The following THRB variants were observed in gnomAD, a reference collection of about 807,000 sequenced individuals.
THRB encodes the protein thyroid hormone receptor beta.
THRB carries 12 observed loss-of-function variants against 47.8 expected under a neutral mutation model. The ratio of observed to expected loss-of-function variants is 0.25; its 90% CI spans 0.16 to 0.41. The LOEUF (loss-of-function observed/expected upper bound fraction) is 0.41, where lower values mean the gene tolerates loss of function less well. THRB is among the 10% of genes least tolerant of loss of function. The pLI is 1.00. For synonymous variants in THRB, 218 were observed against 212.2 expected (o/e 1.03, Z -0.24); for missense variants, 348 against 589.2 (o/e 0.59, Z 4.24).
chr3:24,141,969 T>C (rs796728123), intron 8 of THRB, among the ~76,000 whole-genome samples: 4 of 152,348 alleles, frequency 2.6e-5, no homozygotes, highest in African/African-American at 9.6e-5. Flanking sequence ...ATTAGTGCTT[T>C]TGAATTTTCT....
intron 1 of THRB, among the ~76,000 whole-genome samples, chr3:24,409,905 C>A (rs1237138938): frequency 6.6e-6 from 1 of 151,828 alleles, no homozygotes; most frequent in East Asian, 2.0e-4. Flanking sequence ...CTCAATCTGT[C>A]TGGTTTACCT....
intron 1 of THRB, among the ~76,000 whole-genome samples, chr3:24,448,583 T>A (rs1328875677): frequency 1.3e-5 from 2 of 152,196 alleles, no homozygotes. Flanking sequence ...AAAAGACTTG[T>A]ATACCTCCCA....
chr3:24,466,683 C>T, intron 1 of THRB, among the ~76,000 whole-genome samples: 1 of 152,094 alleles, frequency 6.6e-6, no homozygotes, highest in East Asian at 1.9e-4. Flanking sequence ...TGTGTTTATA[C>T]TATAGTGTAG....
At chr3:24,164,876 C>G in intron 5 of THRB, 1 of 588,068 alleles carries the variant, frequency 1.7e-6, no homozygotes, top group Non-Finnish European at 3.0e-6. Context: ...GTCCTTCAAT[C>G]ACCTAGCAAC....
At chr3:24,164,559 GAAATCACT>G (rs1559491231) in intron 5 of THRB, among the ~76,000 whole-genome samples, 1 of 152,064 alleles carries the variant, frequency 6.6e-6, no homozygotes, top group Non-Finnish European at 1.5e-5. Flanking sequence ...TACTGTTAAA[GAAATCACT>G]AAATCACTAA....
chr3:24,200,449 G>A (rs2044459239), intron 4 of THRB, among the ~76,000 whole-genome samples: 1 of 152,086 alleles, frequency 6.6e-6, no homozygotes, highest in Admixed American at 6.5e-5. Flanking sequence ...ATATGACTTG[G>A]GTAATTAGAT....
intron 5 of THRB, among the ~76,000 whole-genome samples, chr3:24,186,157 G>T (rs73138660): frequency 0.022 from 3,392 of 152,224 alleles, 134 homozygotes; most frequent in African/African-American, 0.078. Flanking sequence ...TGATACCCAG[G>T]TATTAAGAAT....
At chr3:24,299,368 G>C (rs74703915) in intron 2 of THRB, among the ~76,000 whole-genome samples, 1,955 of 149,314 alleles carry the variant, frequency 0.013, 17 homozygotes, top group Non-Finnish European at 0.019. Flanking sequence ...AAATAAGAAA[G>C]ACCTTAAAGA....
chr3:24,350,952 G>A (rs1300443690), intron 1 of THRB, among the ~76,000 whole-genome samples: 2 of 152,050 alleles, frequency 1.3e-5, no homozygotes, highest in Non-Finnish European at 2.9e-5. Flanking sequence ...GACATAACAT[G>A]GTGCTGTCAC....
chr3:24,316,704 A>G lies in THRB; in HGVS notation c.-188-19333T>C, dbSNP rs569363233. On this transcript the variant is annotated intron_variant, in intron 2 of 10. Coordinates refer to ENST00000646209, the MANE Select transcript of THRB (RefSeq NM_001354712.2). ...AATTACTTCCCACCAGGTACAAGCTAAAGTCCTACTTCTCAGCTTCACATA... is the reference window on the plus strand; with the variant it reads ...AATTACTTCCCACCAGGTACAAGCTGAAGTCCTACTTCTCAGCTTCACATA... 5.1e-4 allele frequency among the ~76,000 whole-genome samples: 78 copies of G among 152,172 alleles called. 1 individual carries two copies. In the South Asian group the frequency reaches 0.015, roughly 29 times the overall value.
At chr3:24,436,888 T>C (rs1050165756) in intron 1 of THRB, among the ~76,000 whole-genome samples, 16 of 152,016 alleles carry the variant, frequency 1.1e-4, no homozygotes, top group Admixed American at 1.0e-3. Context: ...CAGAATTAGG[T>C]GCAGATAGAA....
At chr3:24,316,022 C>A (rs1306193969) in intron 2 of THRB, among the ~76,000 whole-genome samples, 1 of 152,098 alleles carries the variant, frequency 6.6e-6, no homozygotes. Flanking sequence ...CATGTGACAG[C>A]TCTTGTTTGC....
intron 3 of THRB, among the ~76,000 whole-genome samples, chr3:24,229,233 T>C (rs1171162636): frequency 1.3e-5 from 2 of 152,198 alleles, no homozygotes; most frequent in Non-Finnish European, 2.9e-5. Flanking sequence ...AAATAAATTT[T>C]TTATCAAGCG....
intron 1 of THRB, chr3:24,486,295 A>C (rs1697283585): frequency 6.6e-6 from 1 of 152,084 alleles, no homozygotes. Flanking sequence ...GAGAAACACT[A>C]CTCTACACTA....
chr3:24,242,019 T>G (rs1188206005), intron 3 of THRB, among the ~76,000 whole-genome samples: 1 of 152,172 alleles, frequency 6.6e-6, no homozygotes, highest in African/African-American at 2.4e-5. Context: ...TCAAAAAACA[T>G]GAGTTATTTC....
At chr3:24,287,074 T>C (rs531604037) in intron 3 of THRB, among the ~76,000 whole-genome samples, 1 of 152,298 alleles carries the variant, frequency 6.6e-6, no homozygotes, top group South Asian at 2.1e-4. Context: ...CTTGTGGAAA[T>C]CCAGGCTTTT....
chr3:24,489,348 T>C lies in THRB; in HGVS notation c.-261+5304A>G, dbSNP rs1037567447. ...TACAAGATTATCACAGATTATCTTCTTGCAAAAGCCTCAAATGCAAGTATT... is the reference window on the plus strand; with the variant it reads ...TACAAGATTATCACAGATTATCTTCCTGCAAAAGCCTCAAATGCAAGTATT... On this transcript the variant is annotated intron_variant, in intron 1 of 10. Coordinates refer to ENST00000646209, the MANE Select transcript of THRB (RefSeq NM_001354712.2). 3.3e-5 allele frequency among the ~76,000 whole-genome samples: 5 copies of C among 152,234 alleles called. No homozygotes were observed. In the South Asian group the frequency reaches 6.2e-4, roughly 19 times the overall value.
chr3:24,277,659 T>C (rs2054073323), intron 3 of THRB, among the ~76,000 whole-genome samples: 1 of 152,226 alleles, frequency 6.6e-6, no homozygotes, highest in African/African-American at 2.4e-5. Context: ...TTACCAAAGT[T>C]ATATTTATGT....
At chr3:24,262,979 C>G (rs941366720) in intron 3 of THRB, among the ~76,000 whole-genome samples, 6 of 152,132 alleles carry the variant, frequency 3.9e-5, no homozygotes, top group Non-Finnish European at 8.8e-5. Flanking sequence ...GTTTAGGTGG[C>G]TGGCGAAAAC....
Sources: allele counts gnomAD v4.1 joint callset (sites outside exome capture counted in the v4.1 genomes callset), GRCh38; gene constraint gnomAD v4.1.1; transcripts MANE v1.5; gene names NCBI Gene and HGNC (gene_info 2026-07-23, HGNC 2026-07-21).